The following EPB41 variants were observed in gnomAD, a reference collection of about 807,000 sequenced individuals.
The protein encoded by EPB41 is erythrocyte membrane protein band 4.1.
Under a neutral mutation model 108.0 loss-of-function variants are expected in EPB41, and 65 were observed. The ratio of observed to expected loss-of-function variants is 0.60; its 90% CI spans 0.49 to 0.74. The LOEUF (loss-of-function observed/expected upper bound fraction) is 0.74. Ranked by LOEUF, EPB41 falls within the 30% of genes least tolerant of loss-of-function variation. EPB41 has a pLI of 0.00. For missense variants in EPB41, 875 were observed against 1,037.0 expected, an observed-to-expected ratio of 0.84 and a Z score of 2.15; for synonymous variants, 336 against 358.9, an observed-to-expected ratio of 0.94 and a Z score of 0.72.
chr1:29,021,181 G>T (rs1219899322), intron 7 of EPB41, among the ~76,000 whole-genome samples: 1 of 152,130 alleles, frequency 6.6e-6, no homozygotes, highest in Non-Finnish European at 1.5e-5. Context: ...CTCAAAGGTG[G>T]TCTACAGACC....
intron 16 of EPB41, among the ~76,000 whole-genome samples, chr1:29,088,082 T>C (rs1414729767): frequency 6.7e-6 from 1 of 148,610 alleles, no homozygotes; most frequent in African/African-American, 2.5e-5. Context: ...GCCTCCCTCC[T>C]GTCGCACAAG....
chr1:29,043,145 A>G (rs1217547167), intron 11 of EPB41, among the ~76,000 whole-genome samples: 1 of 152,208 alleles, frequency 6.6e-6, no homozygotes, highest in Non-Finnish European at 1.5e-5. Context: ...ATAATTTCAG[A>G]TGGTGATGAA....
chr1:29,097,088 G>A (rs750078068), intron 16 of EPB41: 139 of 152,812 alleles, frequency 9.1e-4, no homozygotes, highest in Non-Finnish European at 1.8e-3. Flanking sequence ...CAGGATCATA[G>A]GCACTGATTT....
In EPB41 at chr1:29,036,458, A is replaced by G. The variant is rs192735624; in HGVS notation, c.1463+535A>G. Among the ~76,000 whole-genome samples, 367 of 151,754 alleles carry G rather than the reference A, an allele frequency of 2.4e-3. 9 individuals are homozygous for G. Among genetic ancestry groups the G allele is most frequent in the Admixed American group, 0.022 (339 of 15,228 alleles). On this transcript the variant is annotated intron_variant, in intron 10 of 20. Transcript: ENST00000343067. The stretch of plus-strand genomic sequence containing the variant: ...GTATTTTTAATAGAGACACGCTTTC[A>G]CTATGTTGGTCAGGGTGGTCTCAAA...
chr1:29,112,555 A>T (rs181334148), intron 19 of EPB41, 107 bp downstream of exon 19: 3 of 866,242 alleles, frequency 3.5e-6, no homozygotes, highest in Non-Finnish European at 5.9e-6. Flanking sequence ...CTCTTTGGCC[A>T]CTCTAGCTCT....
intron 2 of EPB41, among the ~76,000 whole-genome samples, chr1:28,990,006 T>TA (rs2095970095): frequency 6.6e-6 from 1 of 152,038 alleles, no homozygotes; most frequent in African/African-American, 2.4e-5. Context: ...CCTGTAATCC[T>TA]AGCACTCTAG....
intron 1 of EPB41, among the ~76,000 whole-genome samples, chr1:28,947,408 GACAAACAAACAAACAAACAAACAA>G (rs61120635): frequency 2.0e-5 from 3 of 149,626 alleles, no homozygotes; most frequent in Admixed American, 6.7e-5. Context: ...CTCCGTCTCA[GACAAACAAACAAACAAACAAACAA>G]ACAAACAAAC....
chr1:28,980,876 A>G (rs1328492933), intron 1 of EPB41, among the ~76,000 whole-genome samples: 1 of 146,004 alleles, frequency 6.8e-6, no homozygotes, highest in African/African-American at 2.5e-5. Flanking sequence ...GGCTCACTGC[A>G]ACCTCGACTG....
chr1:28,981,885 T>C (rs2095756220), intron 1 of EPB41, among the ~76,000 whole-genome samples: 1 of 151,302 alleles, frequency 6.6e-6, no homozygotes, highest in South Asian at 2.1e-4. Context: ...TTTTATTTTT[T>C]ATTTTCTTTA....
intron 1 of EPB41, among the ~76,000 whole-genome samples, chr1:28,915,086 G>C (rs2092514565): frequency 6.6e-6 from 1 of 151,826 alleles, no homozygotes. Context: ...ATCACGGTGC[G>C]GTGTGCAGGA....
At chr1:28,963,957 G>A (rs2095293293) in intron 1 of EPB41, among the ~76,000 whole-genome samples, 1 of 152,160 alleles carries the variant, frequency 6.6e-6, no homozygotes, top group Non-Finnish European at 1.5e-5. Flanking sequence ...CTGTCATACT[G>A]TCTTTCTTCA....
At chr1:29,073,461 C>G (rs533760225) in intron 16 of EPB41, among the ~76,000 whole-genome samples, 2 of 152,132 alleles carry the variant, frequency 1.3e-5, no homozygotes, top group African/African-American at 2.4e-5. Context: ...AATTCTTGGT[C>G]TTTTGGGAGC....
At chr1:29,105,833 C>T (rs1666974492) in intron 17 of EPB41, among the ~76,000 whole-genome samples, 1 of 147,828 alleles carries the variant, frequency 6.8e-6, no homozygotes, top group Non-Finnish European at 1.5e-5. Flanking sequence ...ACTGCAACCT[C>T]CGCCTCCTGG....
intron 1 of EPB41, among the ~76,000 whole-genome samples, chr1:28,907,569 G>A (rs2091934634): frequency 6.6e-6 from 1 of 152,014 alleles, no homozygotes; most frequent in African/African-American, 2.4e-5. Context: ...CTGGTGGATG[G>A]TTGTTAAGGC....
intron 1 of EPB41, among the ~76,000 whole-genome samples, chr1:28,967,765 C>T (rs546194232): frequency 1.3e-5 from 2 of 151,580 alleles, no homozygotes; most frequent in Non-Finnish European, 2.9e-5. Context: ...GCCACTGAAC[C>T]CAGCCTTTTT....
intron 16 of EPB41, among the ~76,000 whole-genome samples, chr1:29,075,217 G>C (rs988086617): frequency 2.0e-5 from 3 of 149,372 alleles, no homozygotes; most frequent in Non-Finnish European, 4.4e-5. Context: ...GGTGGCTCAT[G>C]CCTGTAATCC....
At chr1:29,004,696 G>T (rs2486198) in intron 4 of EPB41, among the ~76,000 whole-genome samples, 26,026 of 152,096 alleles carry the variant, frequency 0.17, 2,764 homozygotes, top group East Asian at 0.47. Context: ...TTTAAATGTG[G>T]TTTTTTGGGG....
intron 3 of EPB41, among the ~76,000 whole-genome samples, chr1:28,996,993 A>C (rs149693862): frequency 5.3e-5 from 8 of 152,166 alleles, no homozygotes; most frequent in Admixed American, 2.6e-4. Flanking sequence ...TCTACAAAAA[A>C]TTTTAAAAAT....
chr1:28,977,812 G>T (rs2095643163), intron 1 of EPB41, among the ~76,000 whole-genome samples: 1 of 151,904 alleles, frequency 6.6e-6, no homozygotes, highest in Admixed American at 6.6e-5. Context: ...CATGGCATTT[G>T]TCTAGAGAAG....
Sources: gnomAD v4.1 joint callset for allele counts (sites outside exome capture counted in the v4.1 genomes callset) on GRCh38, gnomAD v4.1.1 for gene constraint, MANE v1.5 for transcripts, NCBI Gene and HGNC (gene_info 2026-07-23, HGNC 2026-07-21) for gene names.